The following CEP83 variants were observed in gnomAD, a reference collection of about 807,000 sequenced individuals.
CEP83 encodes centrosomal protein 83.
Under a neutral mutation model 101.9 loss-of-function variants are expected in CEP83, and 70 were observed. That is an observed-to-expected ratio of 0.69 (90% CI 0.57 to 0.84). CEP83 has a LOEUF of 0.84. Among genes scored for constraint, CEP83 ranks in the 40% least tolerant of loss-of-function variants. The pLI is 0.00. For synonymous variants in CEP83, 264 were observed against 267.9 expected (o/e 0.99, Z 0.14); for missense variants, 715 against 787.2 (o/e 0.91, Z 1.10).
At chr12:94,340,858 A>G (rs2059653063) in intron 11 of CEP83, among the ~76,000 whole-genome samples, 1 of 152,198 alleles carries the variant, frequency 6.6e-6, no homozygotes, top group Non-Finnish European at 1.5e-5. Flanking sequence ...ATAAGAGAGG[A>G]GAGAGAAAAT....
chr12:94,424,839 T>C (rs148842581), intron 2 of CEP83: 22,053 of 1,598,806 alleles, frequency 0.014, 222 homozygotes, highest in Non-Finnish European at 0.015. Flanking sequence ...CTTCCACTAC[T>C]GCTGTTAGGT....
rs143814640 is a variant in CEP83, at chr12:94,393,606, G to A, written c.549+7244C>T. Among the ~76,000 whole-genome samples the A allele has an allele frequency of 1.0e-3, 154 of 152,284 alleles. 2 individuals carry two copies. In the East Asian group the frequency reaches 0.028, roughly 28 times the overall value. ...TTTCTCACCACTCATATTCAACAGT[G>A]TTGGACGTTCTGGCCAGGGCAACCA... On this transcript the variant is annotated intron_variant, in intron 6 of 16. Coordinates refer to ENST00000397809, the MANE Select transcript of CEP83 (RefSeq NM_016122.3).
the CEP83 span, among the ~76,000 whole-genome samples, chr12:94,278,346 G>A: frequency 3.9e-5 from 6 of 152,290 alleles, no homozygotes; most frequent in South Asian, 2.1e-4. Flanking sequence ...ATCAATTCCC[G>A]TGAGGGTACG....
At position 94,343,425 on chromosome 12, in the gene CEP83, G is replaced by A. The variant is rs138532869; in HGVS notation, c.1344-7761C>T. 4.1e-3 allele frequency among the ~76,000 whole-genome samples: 587 copies of A among 143,300 alleles called. 2 individuals carry two copies. Among genetic ancestry groups the A allele is most frequent in the African/African-American group, 0.014 (543 of 38,844 alleles). The allele number at this position is 143,300 out of a possible 152,430, so 94.0% of individuals were successfully genotyped here. ...CAGAGTGTTCCACAAAGCAGAAAGA[G>A]TACAAACAATATTGTGATCACAATG... On this transcript the variant is annotated intron_variant, in intron 11 of 16. Transcript: ENST00000397809.
chr12:94,300,892 T>C, the CEP83 span: 4 of 1,601,874 alleles, frequency 2.5e-6, no homozygotes, highest in Admixed American at 1.7e-5. Context: ...GAAAAGAGAT[T>C]ATTCTCTCTT....
chr12:94,380,312 T>G (rs892706671), intron 6 of CEP83, among the ~76,000 whole-genome samples: 5 of 152,156 alleles, frequency 3.3e-5, no homozygotes, highest in African/African-American at 1.2e-4. Context: ...CAGTTTGTTT[T>G]TGGACATGCT....
intron 2 of CEP83, among the ~76,000 whole-genome samples, chr12:94,431,128 A>G (rs1018994822): frequency 3.9e-5 from 6 of 152,184 alleles, no homozygotes. Context: ...ACATTATTAC[A>G]CCCAGAAAGA....
intron 2 of CEP83, among the ~76,000 whole-genome samples, chr12:94,422,089 G>A (rs918875368): frequency 7.9e-5 from 12 of 152,212 alleles, no homozygotes; most frequent in African/African-American, 2.9e-4. Flanking sequence ...ATTTGGAGGT[G>A]TTTTGGCCTT....
intron 8 of CEP83, among the ~76,000 whole-genome samples, chr12:94,371,942 T>C (rs535686245): frequency 6.6e-6 from 1 of 152,272 alleles, no homozygotes; most frequent in East Asian, 1.9e-4. Context: ...GTACATAAAA[T>C]GGTGACCCTG....
At chr12:94,386,675 C>T (rs2062167403) in intron 6 of CEP83, among the ~76,000 whole-genome samples, 1 of 152,042 alleles carries the variant, frequency 6.6e-6, no homozygotes, top group African/African-American at 2.4e-5. Context: ...TATTTTTGTC[C>T]CAGTTTTCAG....
chr12:94,268,240 A>G, the CEP83 span, among the ~76,000 whole-genome samples: 2 of 152,234 alleles, frequency 1.3e-5, no homozygotes, highest in Non-Finnish European at 1.5e-5. Flanking sequence ...GGGATTTTCT[A>G]GAACATAAAG....
chr12:94,437,542 A>G (rs1165199707), intron 1 of CEP83, among the ~76,000 whole-genome samples: 3 of 152,264 alleles, frequency 2.0e-5, no homozygotes, highest in Non-Finnish European at 4.4e-5. Flanking sequence ...ATTTCTCAGC[A>G]GAAACCCTAC....
At chr12:94,454,572 A>C (rs752464611) in intron 1 of CEP83, among the ~76,000 whole-genome samples, 13 of 152,220 alleles carry the variant, frequency 8.5e-5, no homozygotes, top group Non-Finnish European at 1.6e-4. Context: ...GGGCCAAATA[A>C]GGGAAGAAGA....
intron 6 of CEP83, among the ~76,000 whole-genome samples, chr12:94,396,798 TGTAA>T (rs2062928931): frequency 6.6e-6 from 1 of 152,188 alleles, no homozygotes; most frequent in Non-Finnish European, 1.5e-5. Flanking sequence ...GCAAGTACTG[TGTAA>T]GTCCTAATTA....
chr12:94,305,366 G>A (rs1161459651), downstream of CEP83: 17 of 774,010 alleles, frequency 2.2e-5, no homozygotes, highest in South Asian at 4.9e-5. Flanking sequence ...ACTCTGTGTC[G>A]TTAATTTGTT....
At chr12:94,376,690 T>TATATAC (rs1555235995) in intron 7 of CEP83, among the ~76,000 whole-genome samples, 36 of 117,388 alleles carry the variant, frequency 3.1e-4, no homozygotes, top group African/African-American at 1.0e-3. Flanking sequence ...TATACATATA[T>TATATAC]ACACACACAC....
At chr12:94,340,058 A>T (rs1445266504) in intron 11 of CEP83, among the ~76,000 whole-genome samples, 1 of 152,328 alleles carries the variant, frequency 6.6e-6, no homozygotes, top group African/African-American at 2.4e-5. Context: ...GTTTGTTTTT[A>T]AAAAAGCAAA....
At chr12:94,445,574 C>T (rs760316766) in intron 1 of CEP83, among the ~76,000 whole-genome samples, 5 of 152,154 alleles carry the variant, frequency 3.3e-5, no homozygotes, top group Non-Finnish European at 5.9e-5. Context: ...AGGGGAAAAA[C>T]TGCAAATCAT....
At chr12:94,408,441 A>C (rs1028188582) in intron 4 of CEP83, among the ~76,000 whole-genome samples, 15 of 152,202 alleles carry the variant, frequency 9.9e-5, no homozygotes, top group Admixed American at 9.8e-4. Flanking sequence ...GCACAAAAAG[A>C]GTATATTAAT....
Sources: gnomAD v4.1 joint callset for allele counts (sites outside exome capture counted in the v4.1 genomes callset) on GRCh38, gnomAD v4.1.1 for gene constraint, MANE v1.5 for transcripts, NCBI Gene and HGNC (gene_info 2026-07-23, HGNC 2026-07-21) for gene names.